Variants in TCF7L1 observed in about 807,000 individuals in gnomAD.
The protein encoded by TCF7L1 is transcription factor 7 like 1, also known as transcription factor 7-like 1.
TCF7L1 carries 18 observed loss-of-function variants against 63.7 expected under a neutral mutation model. That is an observed-to-expected ratio of 0.28 (90% CI 0.20 to 0.42). The LOEUF is 0.42. TCF7L1 is among the 10% of genes least tolerant of loss of function. The probability of loss-of-function intolerance (pLI) is 1.00; values close to 1 mark genes in which losing one functional copy is unlikely to be tolerated. For missense variants in TCF7L1, 654 were observed against 779.3 expected, an observed-to-expected ratio of 0.84 and a Z score of 1.91; for synonymous variants, 355 against 340.9, an observed-to-expected ratio of 1.04 and a Z score of -0.46.
At chr2:85,287,877 T>TAA in intron 4 of TCF7L1, among the ~76,000 whole-genome samples, 1 of 152,220 alleles carries the variant, frequency 6.6e-6, no homozygotes, top group African/African-American at 2.4e-5. Context: ...CACCTCTTTC[T>TAA]ATTTATGCAG....
At chr2:85,259,887 A>C (rs924275241) in intron 3 of TCF7L1, among the ~76,000 whole-genome samples, 12 of 152,266 alleles carry the variant, frequency 7.9e-5, no homozygotes, top group African/African-American at 2.6e-4. Context: ...GACCCTGCAG[A>C]AGCTTCCGAT....
At chr2:85,299,276 G>A (rs10184914) in intron 4 of TCF7L1, among the ~76,000 whole-genome samples, 113,996 of 151,936 alleles carry the variant, frequency 0.75, 44,257 homozygotes, top group East Asian at 0.94. Flanking sequence ...GAGGCTGGGC[G>A]TGGTGGCTCA....
chr2:85,294,026 A>ATTTTTTTTTTTTTTTTTTT lies in TCF7L1; in HGVS notation c.526-8448_526-8430dup, dbSNP rs774050758. On this transcript the variant is annotated intron_variant, in intron 4 of 11. Transcript: ENST00000282111. Reference sequence around the variant, plus strand: ...ATTTAGGTGTGGCCTGAACACTGGGATTTTTTTTTTTTTTTTTTTTTTTTT... The same window carrying ATTTTTTTTTTTTTTTTTTT: ...ATTTAGGTGTGGCCTGAACACTGGGATTTTTTTTTTTTTTTTTTTTTTTTTTTTTTTTTTTTTTTTTTTT... Among the ~76,000 whole-genome samples, 10 of 59,486 alleles carry ATTTTTTTTTTTTTTTTTTT rather than the reference A, an allele frequency of 1.7e-4. 2 individuals are homozygous for ATTTTTTTTTTTTTTTTTTT. The highest frequency in any genetic ancestry group is 6.9e-4 in the Admixed American group (3 of 4,332). 39.0% of individuals were successfully genotyped at this position (59,486 alleles called of 152,430 possible). A position where few individuals can be genotyped will look rare whatever the true frequency, so the allele number is the denominator to read the frequency against.
At chr2:85,293,975 A>AC (rs1213195661) in intron 4 of TCF7L1, among the ~76,000 whole-genome samples, 3 of 148,498 alleles carry the variant, frequency 2.0e-5, no homozygotes, top group Non-Finnish European at 4.4e-5. Flanking sequence ...AGATTGCTGA[A>AC]CCCCACCCCT....
At chr2:85,177,169 A>C (rs1423357000) in intron 3 of TCF7L1, among the ~76,000 whole-genome samples, 1 of 151,914 alleles carries the variant, frequency 6.6e-6, no homozygotes, top group South Asian at 2.1e-4. Flanking sequence ...CATTCCTCAT[A>C]CAGTGGAAAG....
chr2:85,236,385 A>G (rs1680192865), intron 3 of TCF7L1, among the ~76,000 whole-genome samples: 1 of 152,172 alleles, frequency 6.6e-6, no homozygotes, highest in African/African-American at 2.4e-5. Flanking sequence ...AGGCAAAATC[A>G]GGTCCATACT....
At chr2:85,163,362 G>A (rs1020330781) in intron 3 of TCF7L1, among the ~76,000 whole-genome samples, 5 of 152,178 alleles carry the variant, frequency 3.3e-5, no homozygotes, top group African/African-American at 7.2e-5. Context: ...TAAGACCATG[G>A]GCTGGTGGTA....
intron 3 of TCF7L1, among the ~76,000 whole-genome samples, chr2:85,183,031 A>T (rs1217078554): frequency 6.6e-6 from 1 of 152,150 alleles, no homozygotes; most frequent in African/African-American, 2.4e-5. Context: ...AAGGGGTGAG[A>T]GAGCAGAAGT....
chr2:85,154,227 A>G (rs923962764), intron 3 of TCF7L1, among the ~76,000 whole-genome samples: 2 of 152,212 alleles, frequency 1.3e-5, no homozygotes, highest in African/African-American at 4.8e-5. Flanking sequence ...ATACTTGAGA[A>G]TTACATTAGC....
intron 3 of TCF7L1, among the ~76,000 whole-genome samples, chr2:85,275,919 C>CAAAAA (rs10657618): frequency 1.5e-4 from 16 of 106,754 alleles, no homozygotes; most frequent in South Asian, 3.5e-4. Flanking sequence ...GACTCCATCT[C>CAAAAA]AAAAAAAAAA....
intron 3 of TCF7L1, among the ~76,000 whole-genome samples, chr2:85,191,481 GGTTA>G (rs1338245532): frequency 2.0e-5 from 3 of 152,136 alleles, no homozygotes; most frequent in Non-Finnish European, 4.4e-5. Context: ...CCTCTCATAG[GGTTA>G]GTTAGTATTT....
chr2:85,236,521 A>T (rs1175437181), intron 3 of TCF7L1, among the ~76,000 whole-genome samples: 1 of 152,104 alleles, frequency 6.6e-6, no homozygotes, highest in African/African-American at 2.4e-5. Flanking sequence ...GGAGCCCCAG[A>T]ATGTAAGAAT....
intron 4 of TCF7L1, 64 bp from the exon 5 acceptor site, chr2:85,302,420 A>G (rs1161917322): frequency 1.2e-6 from 2 of 1,610,424 alleles, no homozygotes; most frequent in African/African-American, 1.3e-5. Context: ...GATTCCATAA[A>G]TAACAGCTGG....
At chr2:85,158,558 A>C (rs1310715077) in intron 3 of TCF7L1, among the ~76,000 whole-genome samples, 2 of 152,238 alleles carry the variant, frequency 1.3e-5, no homozygotes, top group African/African-American at 4.8e-5. Flanking sequence ...TTGAGTCCTA[A>C]GAAAAGTCAT....
At chr2:85,251,178 A>G (rs901319309) in intron 3 of TCF7L1, among the ~76,000 whole-genome samples, 5 of 152,204 alleles carry the variant, frequency 3.3e-5, no homozygotes, top group Admixed American at 6.5e-5. Flanking sequence ...GCTGTAACTA[A>G]TTTAACAATT....
intron 3 of TCF7L1, among the ~76,000 whole-genome samples, chr2:85,231,030 A>C (rs1327583172): frequency 2.6e-5 from 4 of 152,182 alleles, no homozygotes; most frequent in Non-Finnish European, 5.9e-5. Context: ...AAGAACATAT[A>C]AATGTTCCCA....
intron 3 of TCF7L1, among the ~76,000 whole-genome samples, chr2:85,241,226 CTT>C (rs949898479): frequency 2.6e-4 from 40 of 152,202 alleles, no homozygotes; most frequent in African/African-American, 8.4e-4. Context: ...TTTTTGCTCT[CTT>C]TCTTTCTCAG....
intron 3 of TCF7L1, among the ~76,000 whole-genome samples, chr2:85,245,617 C>A (rs1168569922): frequency 6.6e-6 from 1 of 152,010 alleles, no homozygotes; most frequent in African/African-American, 2.4e-5. Context: ...TCGAGACCAT[C>A]CTGGCTAACA....
intron 3 of TCF7L1, among the ~76,000 whole-genome samples, chr2:85,226,181 T>C (rs1168553780): frequency 6.6e-6 from 1 of 152,250 alleles, no homozygotes; most frequent in African/African-American, 2.4e-5. Flanking sequence ...GGTTTGCTAG[T>C]ATTTTATTGA....
Sources: gnomAD v4.1 joint callset for allele counts (sites outside exome capture counted in the v4.1 genomes callset) on GRCh38, gnomAD v4.1.1 for gene constraint, MANE v1.5 for transcripts, NCBI Gene and HGNC (gene_info 2026-07-23, HGNC 2026-07-21) for gene names.